Variants in MPHOSPH9 observed in about 807,000 individuals in gnomAD.
MPHOSPH9 encodes M-phase phosphoprotein 9.
In MPHOSPH9, 88 loss-of-function variants were observed where a neutral mutation model predicts 145.5. The observed-to-expected ratio is 0.60, with a 90% CI of 0.51 to 0.72. The LOEUF (loss-of-function observed/expected upper bound fraction) is 0.72, where lower values mean the gene tolerates loss of function less well. Among genes scored for constraint, MPHOSPH9 ranks in the 30% least tolerant of loss-of-function variants. The pLI is 0.00. For synonymous variants in MPHOSPH9, 435 were observed against 486.2 expected (o/e 0.89, Z 1.39); for missense variants, 1,238 against 1,386.6 (o/e 0.89, Z 1.70).
intron 1 of MPHOSPH9, among the ~76,000 whole-genome samples, chr12:123,242,895 C>T (rs1055612255): frequency 5.9e-5 from 9 of 152,158 alleles, no homozygotes; most frequent in African/African-American, 1.2e-4. Context: ...CTCAGAAGTG[C>T]GGGGCTCATG....
intron 16 of MPHOSPH9, among the ~76,000 whole-genome samples, chr12:123,167,768 T>C (rs1183280776): frequency 6.6e-6 from 1 of 152,158 alleles, no homozygotes; most frequent in Non-Finnish European, 1.5e-5. Flanking sequence ...AACAGCGCAA[T>C]TCTAGACATT....
chr12:123,165,223 A>G, intron 18 of MPHOSPH9, 79 bp downstream of exon 18: 1 of 1,347,652 alleles, frequency 7.4e-7, no homozygotes, highest in Non-Finnish European at 1.0e-6. Context: ...CATTACCTAA[A>G]TATTTTAATT....
intron 16 of MPHOSPH9, among the ~76,000 whole-genome samples, chr12:123,171,986 C>T (rs1790099): frequency 0.58 from 88,864 of 152,140 alleles, 29,553 homozygotes; most frequent in East Asian, 1. Flanking sequence ...TTCCCATGCA[C>T]GTTTTCATAC....
chr12:123,214,613 C>G (rs930234686), intron 7 of MPHOSPH9, 131 bp downstream of exon 7: 2 of 692,678 alleles, frequency 2.9e-6, no homozygotes, highest in Non-Finnish European at 4.9e-6. Context: ...AACCATACTA[C>G]TATACAGTAT....
intron 5 of MPHOSPH9, 21 bp downstream of exon 5, chr12:123,221,351 A>G (rs1398690062): frequency 6.6e-7 from 1 of 1,525,612 alleles, no homozygotes; most frequent in Non-Finnish European, 8.8e-7. Context: ...ACTCCCTTCA[A>G]ATGATAGAAA....
upstream of MPHOSPH9, among the ~76,000 whole-genome samples, chr12:123,235,661 C>T (rs912840094): frequency 4.0e-5 from 6 of 151,752 alleles, no homozygotes; most frequent in African/African-American, 1.5e-4. Flanking sequence ...CGTGAGCCAC[C>T]GCGCTCGGCC....
intron 11 of MPHOSPH9, 114 bp downstream of exon 11, chr12:123,202,050 G>T: frequency 8.9e-7 from 1 of 1,127,706 alleles, no homozygotes; most frequent in Non-Finnish European, 1.2e-6. Flanking sequence ...AGGCAAACAT[G>T]ACTGTTAAAA....
chr12:123,192,549 G>A (rs901714426), intron 13 of MPHOSPH9, among the ~76,000 whole-genome samples: 1 of 142,674 alleles, frequency 7.0e-6, no homozygotes, highest in Non-Finnish European at 1.5e-5. Context: ...AATCACCTGA[G>A]CCCGCGGAGG....
intron 12 of MPHOSPH9, among the ~76,000 whole-genome samples, chr12:123,197,031 G>GTTTTTTTT (rs56061451): frequency 6.8e-5 from 5 of 73,006 alleles, no homozygotes; most frequent in African/African-American, 2.8e-4. Context: ...AGGGGTGTGG[G>GTTTTTTTT]TTTTTTTTTT....
In MPHOSPH9 at chr12:123,176,775, A is replaced by G. The variant is rs980843834; in HGVS notation, c.2369T>C (p.Leu790Pro). ...ISDLKRMISK[L>P]EAQVKQVEHE... is the part of the protein sequence containing the mutation. ...TTCTACTTGCTTGACCTGAGCTTCA[A>G]GTTTTGAAATCATTCTAATTCAAAA... The change falls in exon 16 of 24, where the codon CTT (leucine) becomes CCT (proline). Residue 790 changes from leucine (L) to proline (P), a missense_variant. Physicochemically the swap from Leu to Pro is moderately conservative, Grantham distance 98 (BLOSUM62 -3). This residue lies in a region of MPHOSPH9 where 8 missense variants were observed against 26.6 expected (regional missense o/e 0.30). Coordinates refer to ENST00000606320, the MANE Select transcript of MPHOSPH9 (RefSeq NM_022782.4). The G allele has an allele frequency of 1.9e-6, 3 of 1,612,008 alleles. No homozygotes were observed. Among genetic ancestry groups the G allele is most frequent in the Middle Eastern group, 1.7e-4 (1 of 5,994 alleles).
chr12:123,195,392 C>G, intron 12 of MPHOSPH9, among the ~76,000 whole-genome samples: 1 of 151,584 alleles, frequency 6.6e-6, no homozygotes. Flanking sequence ...CAAGAGCAGC[C>G]TGGCCAACAT....
chr12:123,226,280 ATAATTACACT>A (rs1225293687), intron 3 of MPHOSPH9: 2 of 1,024,634 alleles, frequency 2.0e-6, no homozygotes, highest in African/African-American at 3.4e-5. Context: ...ATGGATATAA[ATAATTACACT>A]TAGCAGTTGC....
intron 1 of MPHOSPH9, chr12:123,240,678 C>T (rs2047919494): frequency 6.8e-6 from 1 of 147,306 alleles, no homozygotes; most frequent in Non-Finnish European, 1.5e-5. Flanking sequence ...CAGAGATTGA[C>T]ATCTCATGCT....
Position 123,162,970 on chromosome 12 carries a change from T to C in MPHOSPH9, c.3029+44A>G, listed in dbSNP as rs781318776. 7 of 1,490,516 alleles carry C rather than the reference T, an allele frequency of 4.7e-6. No individual in the cohort carries two copies. The African/African-American group carries it at 8.7e-5, about 19-fold the overall frequency. The allele number at this position is 1,490,516 out of a possible 1,614,324, so 92.3% of individuals were successfully genotyped here. A position where few individuals can be genotyped will look rare whatever the true frequency, so the allele number is the denominator to read the frequency against. ...ACATAAGTCAACATTTAGAAAAAAA[T>C]CACTAATATAGTAAACTTTATTCTA... On this transcript the variant is annotated intron_variant, in intron 20 of 23. Transcript: ENST00000606320.
chr12:123,226,650 A>G (rs2047449007), intron 3 of MPHOSPH9, among the ~76,000 whole-genome samples: 1 of 151,844 alleles, frequency 6.6e-6, no homozygotes, highest in Non-Finnish European at 1.5e-5. Context: ...ATAGAGAGAG[A>G]CAGGGTCTCA....
rs766157694 is a variant in MPHOSPH9 at position 123,202,800 on chromosome 12, C to G, written c.1605G>C (p.Thr535=). The G allele has an allele frequency of 1.9e-6, 3 of 1,614,020 alleles. No individual in the cohort carries two copies. The highest frequency in any genetic ancestry group is 4.5e-5 in the East Asian group (2 of 44,894). ...TAGTAATGGTATATACTGACGGAAACGTGGAACTGGTCCTACTTTCGTTTT... is the reference window on the plus strand; with the variant it reads ...TAGTAATGGTATATACTGACGGAAAGGTGGAACTGGTCCTACTTTCGTTTT... ...TFQNESRTSS[T]FPSVYTITSN... The change falls in exon 10 of 24, where the codon ACG becomes ACC. Residue 535 remains threonine (T), a synonymous_variant. Coordinates refer to ENST00000606320, the MANE Select transcript of MPHOSPH9 (RefSeq NM_022782.4).
chr12:123,198,826 A>AAAAAAAAAAC, intron 11 of MPHOSPH9, among the ~76,000 whole-genome samples: 1 of 150,614 alleles, frequency 6.6e-6, no homozygotes, highest in Non-Finnish European at 1.5e-5. Flanking sequence ...AAAAAAAAAA[A>AAAAAAAAAAC]AAAAAAAAGC....
chr12:123,217,849 G>C (rs2047031633), intron 6 of MPHOSPH9, among the ~76,000 whole-genome samples: 1 of 151,958 alleles, frequency 6.6e-6, no homozygotes, highest in South Asian at 2.1e-4. Flanking sequence ...TTCGAGAGCA[G>C]CCTGGCCAAC....
At chr12:123,206,582 T>C (rs947551949) in intron 8 of MPHOSPH9, among the ~76,000 whole-genome samples, 2 of 152,000 alleles carry the variant, frequency 1.3e-5, no homozygotes, top group Admixed American at 1.3e-4. Flanking sequence ...TAGCCACTTT[T>C]ATTTCACTTA....
Sources: gnomAD v4.1 joint callset for allele counts (sites outside exome capture counted in the v4.1 genomes callset) on GRCh38, gnomAD v4.1.1 for gene constraint, gnomAD v4.1.1 regional missense constraint, MANE v1.5 for transcripts, NCBI Gene and HGNC (gene_info 2026-07-23, HGNC 2026-07-21) for gene names.